CCPG1: variants seen among roughly 807,000 people sequenced by gnomAD.
The protein encoded by CCPG1 is cell cycle progression protein 1.
CCPG1 carries 46 observed loss-of-function variants against 81.3 expected under a neutral mutation model. The ratio of observed to expected loss-of-function variants is 0.57; its 90% CI spans 0.45 to 0.72. The LOEUF (loss-of-function observed/expected upper bound fraction) is 0.72, where lower values mean the gene tolerates loss of function less well. Among genes scored for constraint, CCPG1 ranks in the 30% least tolerant of loss-of-function variants. The pLI, the probability that CCPG1 is intolerant of heterozygous loss-of-function variation, is 0.00. For missense variants in CCPG1, 902 were observed against 937.6 expected (o/e 0.96, Z 0.50); for synonymous variants, 330 against 305.2 (o/e 1.08, Z -0.85).
Position 55,397,056 on chromosome 15 carries a change from GC to G in CCPG1, c.-9-7624del, listed in dbSNP as rs575651653. Among the ~76,000 whole-genome samples, 454 of 152,136 alleles carry G rather than the reference GC, an allele frequency of 3.0e-3. 1 individual carries two copies. The highest frequency in any genetic ancestry group is 0.01 in the Middle Eastern group (3 of 294). ...CTCTACAAAAAAACACAAAAAATTA[GC>G]CGGGCGATTAGCCGGGCGTGGTAGC... On this transcript the variant is annotated intron_variant, in intron 1 of 8. Transcript: ENST00000442196.
chr15:55,394,915 C>T (rs2056986915), intron 1 of CCPG1, among the ~76,000 whole-genome samples: 1 of 152,066 alleles, frequency 6.6e-6, no homozygotes, highest in South Asian at 2.1e-4. Flanking sequence ...CTCTTCCTCA[C>T]CCCTCTCTAA....
At chr15:55,359,500 T>C (rs750869246) in intron 8 of CCPG1, 39 bp downstream of exon 8, 6 of 1,538,832 alleles carry the variant, frequency 3.9e-6, no homozygotes, top group Non-Finnish European at 5.2e-6. Flanking sequence ...CTACAAATGT[T>C]ACAAACTACT....
At chr15:55,382,636 A>G (rs1330307124) in intron 3 of CCPG1, among the ~76,000 whole-genome samples, 1 of 151,534 alleles carries the variant, frequency 6.6e-6, no homozygotes, top group African/African-American at 2.4e-5. Flanking sequence ...CAGCCTCCCG[A>G]GTAGCTGGGA....
At position 55,360,081 on chromosome 15, in the gene CCPG1, T is replaced by C. The variant is rs2056160366; in HGVS notation, c.1692A>G (p.Thr564=). 6.2e-7 allele frequency: 1 copy of C among 1,613,752 alleles called. No homozygotes were observed. The highest frequency in any genetic ancestry group is 1.3e-5 in the African/African-American group (1 of 74,902). ...ATKEAAEKPR[T]VFSDYLHPQY... ...GTGGATGTAAATAGTCACTAAAAACTGTTCTTGGTTTTTCAGCTGCTTCTT... is the reference window on the plus strand; with the variant it reads ...GTGGATGTAAATAGTCACTAAAAACCGTTCTTGGTTTTTCAGCTGCTTCTT... The change falls in exon 8 of 9, where the codon ACA becomes ACG. Residue 564 remains threonine (T), a synonymous_variant. Coordinates refer to ENST00000442196, the MANE Select transcript of CCPG1 (RefSeq NM_001204450.2).
At chr15:55,390,270 G>C (rs2056887923) in intron 1 of CCPG1, among the ~76,000 whole-genome samples, 1 of 152,178 alleles carries the variant, frequency 6.6e-6, no homozygotes, top group South Asian at 2.1e-4. Context: ...CTTCAGTTGT[G>C]TTAAAGTTGG....
At chr15:55,376,905 T>C (rs200922492) in intron 5 of CCPG1, 44 bp downstream of exon 5, 5 of 1,386,006 alleles carry the variant, frequency 3.6e-6, no homozygotes, top group Non-Finnish European at 5.1e-6. Context: ...TTATATAAAA[T>C]GTGGTCGTAC....
At chr15:55,363,067 G>C (rs996778713) in intron 7 of CCPG1, among the ~76,000 whole-genome samples, 6 of 149,778 alleles carry the variant, frequency 4.0e-5, no homozygotes, top group Non-Finnish European at 8.9e-5. Flanking sequence ...AAAAAAACAG[G>C]CCAGGCGCAG....
chr15:55,364,609 T>C (rs2056282154), intron 7 of CCPG1, among the ~76,000 whole-genome samples: 1 of 150,948 alleles, frequency 6.6e-6, no homozygotes, highest in Non-Finnish European at 1.5e-5. Flanking sequence ...GCATGGTGGC[T>C]GACACCTGTA....
intron 3 of CCPG1, among the ~76,000 whole-genome samples, chr15:55,384,652 C>A (rs897382340): frequency 1.3e-5 from 2 of 151,682 alleles, no homozygotes; most frequent in African/African-American, 4.8e-5. Context: ...CGAAACTCCG[C>A]CAATTCAATT....
intron 2 of CCPG1, among the ~76,000 whole-genome samples, chr15:55,387,805 C>G (rs2056831461): frequency 2.2e-5 from 3 of 136,940 alleles, no homozygotes; most frequent in African/African-American, 8.1e-5. Context: ...CTCGGCCTCC[C>G]AAAGTGCTGG....
At position 55,371,925 on chromosome 15, in the gene CCPG1, C is replaced by T. The variant is rs1014465905; in HGVS notation, c.574G>A (p.Asp192Asn). ...GTTTCTTGTTCAGCAACTAGCCGGT[C>T]TTCAGATTCTGAAGCAGAAACGGTC... ...KKTVSASESEDRLVAEQETEP... is the reference protein window; with the variant it reads ...KKTVSASESENRLVAEQETEP... The change falls in exon 6 of 9, where the codon GAC becomes AAC. Residue 192 changes from aspartate (D) to asparagine (N), a missense_variant. By Grantham distance (23) the Asp-to-Asn change is conservative. Coordinates refer to ENST00000442196, the MANE Select transcript of CCPG1 (RefSeq NM_001204450.2). 1.9e-6 allele frequency: 3 copies of T among 1,614,204 alleles called. No individual in the cohort carries two copies. The African/African-American group carries it at 4.0e-5, about 22-fold the overall frequency.
At chr15:55,366,883 C>A (rs928781423) in intron 6 of CCPG1, among the ~76,000 whole-genome samples, 2 of 152,106 alleles carry the variant, frequency 1.3e-5, no homozygotes, top group Non-Finnish European at 2.9e-5. Context: ...GGGGAAAAAA[C>A]CACGAAATCA....
chr15:55,363,420 T>C (rs561014697), intron 7 of CCPG1, among the ~76,000 whole-genome samples: 1 of 150,092 alleles, frequency 6.7e-6, no homozygotes, highest in Admixed American at 6.7e-5. Context: ...TAGAGGTTAA[T>C]GCGTGGTGAG....
At chr15:55,386,588 A>C (rs529564642) in intron 2 of CCPG1, among the ~76,000 whole-genome samples, 42 of 152,086 alleles carry the variant, frequency 2.8e-4, no homozygotes, top group African/African-American at 9.4e-4. Context: ...GACAGCAAAA[A>C]TTAAAAGAAT....
intron 5 of CCPG1, 149 bp from the exon 6 acceptor site, chr15:55,372,193 C>A: frequency 1.4e-6 from 1 of 702,096 alleles, no homozygotes; most frequent in Non-Finnish European, 2.3e-6. Context: ...AACAAAAACA[C>A]GGGTTTTCAA....
At position 55,356,040 on chromosome 15, in the gene CCPG1, A is replaced by G. The variant is rs962508677; in HGVS notation, c.*180T>C. 2 of 546,896 alleles carry G rather than the reference A, an allele frequency of 3.7e-6. No homozygotes were observed. Among genetic ancestry groups the G allele is most frequent in the South Asian group, 2.8e-5 (1 of 35,454 alleles). 33.9% of individuals were successfully genotyped at this position (546,896 alleles called of 1,614,324 possible). On this transcript the variant is annotated 3_prime_UTR_variant, in exon 9 of 9. Coordinates refer to ENST00000442196, the MANE Select transcript of CCPG1 (RefSeq NM_001204450.2). ...ATTCAACGAAGCTAAACTACAGGAA[A>G]ATGCAGGTTAGTAGACTTTTAACTA...
intron 3 of CCPG1, among the ~76,000 whole-genome samples, chr15:55,379,187 T>TGTGTGTGTGTGTGTGTGTGC (rs1360736692): frequency 1.3e-5 from 2 of 148,512 alleles, no homozygotes; most frequent in African/African-American, 2.5e-5. Flanking sequence ...TGTGTGTGTG[T>TGTGTGTGTGTGTGTGTGTGC]GTGTGTCTAA....
chr15:55,389,469 AT>A, intron 1 of CCPG1, 36 bp from the exon 2 acceptor site: 134 of 1,413,528 alleles, frequency 9.5e-5, no homozygotes, highest in Non-Finnish European at 1.2e-4. Context: ...CATGAGACAC[AT>A]TTTTTTTAAT....
rs1303917167 is a variant in CCPG1, at chr15:55,356,026, CT to C, written c.*193del. The C allele has an allele frequency of 1.9e-6, 1 of 528,410 alleles. No homozygotes were observed. The highest frequency in any genetic ancestry group is 3.2e-6 in the Non-Finnish European group (1 of 309,140). The allele number at this position is 528,410 out of a possible 1,614,324, so 32.7% of individuals were successfully genotyped here. ...CAGTGTCAAAAAAAATTCAACGAAG[CT>C]AAACTACAGGAAAATGCAGGTTAGT... On this transcript the variant is annotated 3_prime_UTR_variant, in exon 9 of 9. Transcript: ENST00000442196.
Sources: allele counts gnomAD v4.1 joint callset (sites outside exome capture counted in the v4.1 genomes callset), GRCh38; gene constraint gnomAD v4.1.1; transcripts MANE v1.5; gene names NCBI Gene and HGNC (gene_info 2026-07-23, HGNC 2026-07-21).